DCDC1: variants seen among roughly 807,000 people sequenced by gnomAD.
DCDC1 encodes doublecortin domain containing 1, also known as doublecortin domain-containing protein 1.
Under a neutral mutation model 178.3 loss-of-function variants are expected in DCDC1, and 200 were observed. The ratio of observed to expected loss-of-function variants is 1.12; its 90% confidence interval spans 1.00 to 1.26. The LOEUF (loss-of-function observed/expected upper bound fraction) is 1.26, where lower values mean the gene tolerates loss of function less well. DCDC1 is among the 50% of genes most tolerant of loss of function. The pLI is 0.00. For missense variants in DCDC1, 1,983 were observed against 1,749.2 expected, an observed-to-expected ratio of 1.13 and a Z score of -2.38; for synonymous variants, 690 against 604.8, an observed-to-expected ratio of 1.14 and a Z score of -2.07.
In DCDC1 at chr11:30,906,595, G is replaced by T; in HGVS notation, c.4049C>A (p.Thr1350Asn). The T allele has an allele frequency of 6.2e-7, 1 of 1,613,334 alleles. No homozygotes were observed. ...PGVPFLCISG[T>N]KTQKPFLQGP... ...TTGTAAGAAGGGCTTCTGAGTCTTG[G>T]TGCCTGAAATACAGAGGAATGGAAC... Residue 1350 changes from threonine (T) to asparagine (N), a missense_variant, in exon 30 of 39, where the codon ACC becomes AAC. Physicochemically the swap from Thr to Asn is moderately conservative, Grantham distance 65 (BLOSUM62 0). Coordinates refer to ENST00000684477, the MANE Select transcript of DCDC1 (RefSeq NM_001387274.1).
chr11:31,018,085 GA>G (rs34771190), intron 20 of DCDC1, among the ~76,000 whole-genome samples: 22 of 147,222 alleles, frequency 1.5e-4, no homozygotes, highest in Admixed American at 2.7e-4. Context: ...CCACCCACCA[GA>G]AAAAAAAAAT....
At chr11:31,148,419 C>T (rs990579736) in intron 9 of DCDC1, among the ~76,000 whole-genome samples, 11 of 151,506 alleles carry the variant, frequency 7.3e-5, no homozygotes, top group African/African-American at 2.7e-4. Context: ...ATGGGATAAT[C>T]GCTTGAGCCT....
chr11:30,883,974 A>G (rs1480461294), intron 36 of DCDC1, among the ~76,000 whole-genome samples: 1 of 151,956 alleles, frequency 6.6e-6, no homozygotes, highest in Non-Finnish European at 1.5e-5. Flanking sequence ...GAGAAAAAAA[A>G]TGTGAAACGA....
At chr11:30,915,483 A>G (rs771939103) in intron 27 of DCDC1, 28 bp downstream of exon 27, 5 of 1,612,330 alleles carry the variant, frequency 3.1e-6, no homozygotes, top group African/African-American at 1.3e-5. Flanking sequence ...ACCTTTTGAT[A>G]TAGTAAACCC....
intron 20 of DCDC1, among the ~76,000 whole-genome samples, chr11:30,970,498 C>T (rs1388033760): frequency 5.9e-5 from 9 of 152,180 alleles, no homozygotes; most frequent in East Asian, 1.9e-4. Flanking sequence ...AAACTATGTA[C>T]ATTTTCAAGC....
chr11:31,095,572 T>C (rs1364337695), intron 15 of DCDC1, among the ~76,000 whole-genome samples: 2 of 152,190 alleles, frequency 1.3e-5, no homozygotes, highest in African/African-American at 4.8e-5. Flanking sequence ...GGAAAATAGC[T>C]GGGAGTTCAC....
chr11:30,922,640 T>C lies in DCDC1; in HGVS notation c.2998-2A>G. The C allele has an allele frequency of 6.5e-7, 1 of 1,534,136 alleles. No individual in the cohort carries two copies. The highest frequency in any genetic ancestry group is 8.7e-7 in the Non-Finnish European group (1 of 1,148,502). On this transcript the variant is annotated splice_acceptor_variant, in intron 23 of 38. Transcript: ENST00000684477. LOFTEE classifies it high-confidence loss of function. ...GAGTTCTCCACATGAAACATACACC[T>C]ATCAAACAAAGCATCTCTTATCCTG...
intron 9 of DCDC1, among the ~76,000 whole-genome samples, chr11:31,162,923 T>A (rs1966440571): frequency 6.6e-6 from 1 of 152,204 alleles, no homozygotes; most frequent in African/African-American, 2.4e-5. Context: ...ATCTGAGTCA[T>A]GGACCATACA....
chr11:30,915,731 A>C lies in DCDC1; in HGVS notation c.3453-20T>G, dbSNP rs1945783777. ...GAACAGCTGAGATAAAGAAATCTCT[A>C]TTAGTGGCAGAAAAATGTCCCATGC... On this transcript the variant is annotated intron_variant, in intron 26 of 38. Transcript: ENST00000684477. 2 of 1,598,272 alleles carry C rather than the reference A, an allele frequency of 1.3e-6. No homozygotes were observed. The highest frequency in any genetic ancestry group is 2.7e-5 in the African/African-American group (2 of 74,708).
rs751301755 is a variant in DCDC1 at position 30,878,713 on chromosome 11, T to C, written c.5234-2A>G. The C allele has an allele frequency of 4.6e-6, 7 of 1,507,586 alleles. No individual in the cohort carries two copies. The East Asian group carries it at 1.7e-4, about 36-fold the overall frequency. 93.4% of individuals were successfully genotyped at this position (1,507,586 alleles called of 1,614,324 possible). A position where few individuals can be genotyped will look rare whatever the true frequency, so the allele number is the denominator to read the frequency against. ...TGATCTCCATCAGTTGTTTTAACTC[T>C]GTTAAAAAAAAAAAAAAAAGAAGTT... On this transcript the variant is annotated splice_acceptor_variant, in intron 37 of 38. Coordinates refer to ENST00000684477, the MANE Select transcript of DCDC1 (RefSeq NM_001387274.1). LOFTEE classifies it high-confidence loss of function.
chr11:31,238,398 T>A (rs1031297446), intron 9 of DCDC1, among the ~76,000 whole-genome samples: 2 of 152,136 alleles, frequency 1.3e-5, no homozygotes, highest in African/African-American at 2.4e-5. Flanking sequence ...ATCACTAATA[T>A]CATTTTAAAA....
At chr11:31,018,353 T>A (rs1340134469) in intron 20 of DCDC1, among the ~76,000 whole-genome samples, 3 of 152,340 alleles carry the variant, frequency 2.0e-5, no homozygotes, top group Admixed American at 6.5e-5. Context: ...TGTTTTTAAG[T>A]TTGACATCGA....
At chr11:31,339,347 G>A (rs1950429952) in intron 1 of DCDC1, among the ~76,000 whole-genome samples, 1 of 152,132 alleles carries the variant, frequency 6.6e-6, no homozygotes, top group South Asian at 2.1e-4. Context: ...TAAGGAAGCA[G>A]GCACTCACCA....
At chr11:30,894,131 A>G (rs1239943579) in intron 35 of DCDC1, 117 bp downstream of exon 35, 2 of 1,387,260 alleles carry the variant, frequency 1.4e-6, no homozygotes, top group Admixed American at 5.4e-5. Context: ...TTATATGGTC[A>G]TAACTGATCA....
At chr11:30,978,012 T>C (rs1950192940) in intron 20 of DCDC1, among the ~76,000 whole-genome samples, 1 of 152,250 alleles carries the variant, frequency 6.6e-6, no homozygotes, top group Non-Finnish European at 1.5e-5. Context: ...ATTGCCATAT[T>C]GTTCTCTAAA....
At chr11:31,032,556 T>C (rs1262370419) in intron 20 of DCDC1, among the ~76,000 whole-genome samples, 1 of 143,174 alleles carries the variant, frequency 7.0e-6, no homozygotes, top group Admixed American at 7.0e-5. Context: ...TATGCCTCAG[T>C]AAAAAAAAAA....
intron 13 of DCDC1, among the ~76,000 whole-genome samples, chr11:31,106,149 A>G (rs1357589457): frequency 6.6e-6 from 1 of 152,188 alleles, no homozygotes; most frequent in Non-Finnish European, 1.5e-5. Flanking sequence ...GAATTTACCA[A>G]TCTACAAAAA....
chr11:31,077,289 C>T (rs1425654395), intron 18 of DCDC1, among the ~76,000 whole-genome samples: 2 of 152,038 alleles, frequency 1.3e-5, no homozygotes, highest in African/African-American at 4.8e-5. Flanking sequence ...ACATATTATC[C>T]AGTGTGTGGG....
intron 18 of DCDC1, 68 bp downstream of exon 18, chr11:31,077,797 G>A (rs1362108975): frequency 1.4e-6 from 1 of 739,494 alleles, no homozygotes; most frequent in East Asian, 2.5e-5. Flanking sequence ...ACAATAGATA[G>A]TACCCTTTAT....
Sources: gnomAD v4.1 joint callset for allele counts (sites outside exome capture counted in the v4.1 genomes callset) on GRCh38, gnomAD v4.1.1 for gene constraint, MANE v1.5 for transcripts, NCBI Gene and HGNC (gene_info 2026-07-23, HGNC 2026-07-21) for gene names.